The following APBB1IP variants were observed in gnomAD, a reference collection of about 807,000 sequenced individuals.
APBB1IP encodes amyloid beta precursor protein binding family B member 1 interacting protein.
APBB1IP carries 27 observed loss-of-function variants against 64.9 expected under a neutral mutation model. The observed-to-expected ratio is 0.42, with a 90% CI of 0.31 to 0.57. APBB1IP has a LOEUF of 0.57. Among genes scored for constraint, APBB1IP ranks in the 20% least tolerant of loss-of-function variants. APBB1IP has a pLI of 0.20. For synonymous variants in APBB1IP, 392 were observed against 331.0 expected, an observed-to-expected ratio of 1.18 and a Z score of -2.00; for missense variants, 812 against 845.5, an observed-to-expected ratio of 0.96 and a Z score of 0.49.
intron 11 of APBB1IP, among the ~76,000 whole-genome samples, chr10:26,545,838 T>G (rs1836758575): frequency 6.7e-6 from 1 of 149,830 alleles, no homozygotes; most frequent in African/African-American, 2.5e-5. Context: ...TAATCCTAGC[T>G]ACTCAGGAGG....
chr10:26,488,267 G>T (rs1396570233), intron 2 of APBB1IP, among the ~76,000 whole-genome samples: 1 of 148,984 alleles, frequency 6.7e-6, no homozygotes, highest in Non-Finnish European at 1.5e-5. Context: ...AGAGAGTCTC[G>T]CTGTGTCACC....
chr10:26,440,250 C>T (rs1223483100), intron 2 of APBB1IP, among the ~76,000 whole-genome samples: 1 of 152,022 alleles, frequency 6.6e-6, no homozygotes, highest in Non-Finnish European at 1.5e-5. Context: ...CTTCAGATAA[C>T]GTCAGTAAAG....
At chr10:26,536,323 T>G in intron 10 of APBB1IP, 106 bp downstream of exon 10, 1 of 1,270,306 alleles carries the variant, frequency 7.9e-7, no homozygotes, top group South Asian at 1.6e-5. Flanking sequence ...TTGCTGCAGA[T>G]TCCATAATCC....
rs1282646518 is a variant in APBB1IP, at chr10:26,560,809, C to A, written c.1334C>A (p.Thr445Lys). ...GLASRWTNLGTVNAAAPAQPS... is the reference protein window; with the variant it reads ...GLASRWTNLGKVNAAAPAQPS... ...GCCTCTCGGTGGACAAACTTGGGGA[C>A]AGTCAATGCAGCTGCACCAGCTCAG... The change falls in exon 13 of 15, where the codon ACA becomes AAA. Residue 445 changes from threonine (T) to lysine (K), a missense_variant. By Grantham distance (78) the Thr-to-Lys change is moderately conservative. Coordinates refer to ENST00000376236, the MANE Select transcript of APBB1IP (RefSeq NM_019043.4). The A allele has an allele frequency of 6.2e-7, 1 of 1,602,562 alleles. No individual in the cohort carries two copies. The highest frequency in any genetic ancestry group is 1.1e-5 in the South Asian group (1 of 90,138).
chr10:26,492,702 A>T (rs1172488779), intron 3 of APBB1IP, among the ~76,000 whole-genome samples: 2 of 152,176 alleles, frequency 1.3e-5, no homozygotes, highest in Non-Finnish European at 2.9e-5. Flanking sequence ...TTCAAAGATG[A>T]GGGAGTGTAT....
At chr10:26,481,108 ACT>A (rs1229034408) in intron 2 of APBB1IP, among the ~76,000 whole-genome samples, 2 of 151,978 alleles carry the variant, frequency 1.3e-5, no homozygotes, top group Non-Finnish European at 2.9e-5. Flanking sequence ...GAGACTTGGC[ACT>A]CTCTTTCCAA....
At chr10:26,512,352 G>A (rs1186588198) in intron 7 of APBB1IP, among the ~76,000 whole-genome samples, 1 of 152,100 alleles carries the variant, frequency 6.6e-6, no homozygotes, top group Non-Finnish European at 1.5e-5. Flanking sequence ...TTAATAAGCT[G>A]AGCAGGTGGC....
At chr10:26,473,372 T>C (rs552276575) in intron 2 of APBB1IP, among the ~76,000 whole-genome samples, 20 of 152,328 alleles carry the variant, frequency 1.3e-4, no homozygotes, top group African/African-American at 4.6e-4. Context: ...TCTGGGCACT[T>C]TGGGAATTTC....
intron 2 of APBB1IP, among the ~76,000 whole-genome samples, chr10:26,446,871 TAGAG>T (rs1420260561): frequency 8.6e-5 from 11 of 127,272 alleles, no homozygotes; most frequent in African/African-American, 2.1e-4. Flanking sequence ...GATAGATAGA[TAGAG>T]AGAGAGATAG....
intron 11 of APBB1IP, among the ~76,000 whole-genome samples, chr10:26,546,320 A>G (rs917883510): frequency 6.6e-6 from 1 of 152,224 alleles, no homozygotes; most frequent in Non-Finnish European, 1.5e-5. Context: ...CATCAGAACC[A>G]TTTAGATTGT....
At chr10:26,524,335 C>G (rs1220123453) in intron 8 of APBB1IP, among the ~76,000 whole-genome samples, 1 of 152,046 alleles carries the variant, frequency 6.6e-6, no homozygotes, top group Non-Finnish European at 1.5e-5. Flanking sequence ...CCTTGCTGAG[C>G]TCCCCCAGTT....
At position 26,553,024 on chromosome 10, in the gene APBB1IP, T is replaced by G. The variant is rs527456596; in HGVS notation, c.1156-7081T>G. ...GATGATGCCCTCCATGTCCTCAACT[T>G]TTTTTTTCTTTTTTTGAGATGGAGT... On this transcript the variant is annotated intron_variant, in intron 11 of 14. Coordinates refer to ENST00000376236, the MANE Select transcript of APBB1IP (RefSeq NM_019043.4). Among the ~76,000 whole-genome samples, 212 of 149,802 alleles carry G rather than the reference T, an allele frequency of 1.4e-3. 1 individual carries two copies. Among genetic ancestry groups the G allele is most frequent in the Non-Finnish European group, 1.7e-3 (112 of 67,760 alleles).
intron 2 of APBB1IP, among the ~76,000 whole-genome samples, chr10:26,478,485 G>A (rs534928916): frequency 8.5e-5 from 13 of 152,098 alleles, no homozygotes; most frequent in African/African-American, 1.7e-4. Context: ...CAGGAGTGGC[G>A]CATGCCTGTA....
At chr10:26,457,326 A>G (rs1835538678) in intron 2 of APBB1IP, among the ~76,000 whole-genome samples, 1 of 152,166 alleles carries the variant, frequency 6.6e-6, no homozygotes, top group Non-Finnish European at 1.5e-5. Flanking sequence ...CTTTTTTAAG[A>G]GACAGGGTCT....
At chr10:26,455,483 G>T (rs889318252) in intron 2 of APBB1IP, among the ~76,000 whole-genome samples, 1 of 150,618 alleles carries the variant, frequency 6.6e-6, no homozygotes, top group African/African-American at 2.4e-5. Context: ...AGTTGAGATT[G>T]CATCACTGCA....
intron 8 of APBB1IP, among the ~76,000 whole-genome samples, chr10:26,517,721 T>C (rs971928517): frequency 1.3e-5 from 2 of 152,288 alleles, no homozygotes; most frequent in African/African-American, 4.8e-5. Flanking sequence ...CACTAGCTTA[T>C]TCTTTTTCAC....
intron 2 of APBB1IP, among the ~76,000 whole-genome samples, chr10:26,492,092 A>G (rs1056310904): frequency 6.6e-5 from 10 of 152,108 alleles, no homozygotes; most frequent in South Asian, 2.1e-4. Context: ...AGCCTGGAAA[A>G]ATTCAACTGT....
chr10:26,567,698 T>G lies in APBB1IP; in HGVS notation c.*210T>G. The G allele has an allele frequency of 8.3e-7, 1 of 1,205,092 alleles. No individual in the cohort carries two copies. The allele number at this position is 1,205,092 out of a possible 1,614,324, so 74.6% of individuals were successfully genotyped here. A position where few individuals can be genotyped will look rare whatever the true frequency, so the allele number is the denominator to read the frequency against. ...CATATCGTTCCCATGTATTTTAACC[T>G]AAATGGAATGTATCTTCCCTTCCAA... On this transcript the variant is annotated 3_prime_UTR_variant, in exon 15 of 15. Coordinates refer to ENST00000376236, the MANE Select transcript of APBB1IP (RefSeq NM_019043.4).
At chr10:26,542,549 A>G (rs1403457981) in intron 11 of APBB1IP, among the ~76,000 whole-genome samples, 1 of 152,198 alleles carries the variant, frequency 6.6e-6, no homozygotes, top group Non-Finnish European at 1.5e-5. Flanking sequence ...GTCTTTCTGT[A>G]TGCCTGCAGA....
Sources: gnomAD v4.1 joint callset for allele counts (sites outside exome capture counted in the v4.1 genomes callset) on GRCh38, gnomAD v4.1.1 for gene constraint, MANE v1.5 for transcripts, NCBI Gene and HGNC (gene_info 2026-07-23, HGNC 2026-07-21) for gene names.